Variants in AFG1L observed in about 807,000 individuals in gnomAD.
The protein encoded by AFG1L is AFG1-like ATPase.
In AFG1L, 53 loss-of-function variants were observed where a neutral mutation model predicts 62.2. The ratio of observed to expected loss-of-function variants is 0.85; its 90% CI spans 0.68 to 1.07. The LOEUF (loss-of-function observed/expected upper bound fraction) is 1.07, where lower values mean the gene tolerates loss of function less well. AFG1L is among the 50% of genes least tolerant of loss of function. The pLI, the probability that AFG1L is intolerant of heterozygous loss-of-function variation, is 0.00. For missense variants in AFG1L, 555 were observed against 590.5 expected (o/e 0.94, Z 0.62); for synonymous variants, 228 against 210.3 (o/e 1.08, Z -0.73).
intron 10 of AFG1L, among the ~76,000 whole-genome samples, chr6:108,489,637 C>G (rs915203476): frequency 6.6e-6 from 1 of 152,002 alleles, no homozygotes; most frequent in Non-Finnish European, 1.5e-5. Flanking sequence ...AGAGATTGCA[C>G]GAAACAAGAT....
intron 1 of AFG1L, among the ~76,000 whole-genome samples, chr6:108,313,411 A>C (rs559583631): frequency 6.6e-6 from 1 of 152,370 alleles, no homozygotes; most frequent in Non-Finnish European, 1.5e-5. Flanking sequence ...TTAGAAAAGT[A>C]ACCTGGTACT....
rs1779884289 is a variant in AFG1L, at chr6:108,369,172, G to A, written c.748+2840G>A. Among the ~76,000 whole-genome samples the A allele has an allele frequency of 2.0e-5, 3 of 152,118 alleles. No individual in the cohort carries two copies. In the South Asian group the frequency reaches 6.2e-4, roughly 32 times the overall value. ...TCAGAGAGACTAAGCATATCAGGAAGAGGTAAAACTGTAAGACGAAGAATG... is the reference window on the plus strand; with the variant it reads ...TCAGAGAGACTAAGCATATCAGGAAAAGGTAAAACTGTAAGACGAAGAATG... On this transcript the variant is annotated intron_variant, in intron 6 of 12. Coordinates refer to ENST00000368977, the MANE Select transcript of AFG1L (RefSeq NM_145315.5).
chr6:108,390,409 G>A (rs1383571601), intron 6 of AFG1L, among the ~76,000 whole-genome samples: 7 of 152,304 alleles, frequency 4.6e-5, no homozygotes, highest in Middle Eastern at 3.4e-3. Context: ...CGTTGCTAGC[G>A]AGGAGCTGCG....
At chr6:108,338,555 G>A (rs1013960466) in intron 2 of AFG1L, among the ~76,000 whole-genome samples, 1 of 151,890 alleles carries the variant, frequency 6.6e-6, no homozygotes, top group Admixed American at 6.6e-5. Flanking sequence ...GGTTGGTCTT[G>A]AACTCCTGGG....
intron 10 of AFG1L, among the ~76,000 whole-genome samples, chr6:108,497,251 T>C (rs1774005400): frequency 6.6e-6 from 1 of 152,192 alleles, no homozygotes; most frequent in African/African-American, 2.4e-5. Context: ...AATTGCATAA[T>C]TTATTTTTCT....
chr6:108,454,270 T>C (rs1405643783), intron 8 of AFG1L, among the ~76,000 whole-genome samples: 1 of 152,214 alleles, frequency 6.6e-6, no homozygotes, highest in Non-Finnish European at 1.5e-5. Context: ...AGTTTAAGAC[T>C]ATAAAATTTA....
In AFG1L at chr6:108,427,849, C is replaced by T. The variant is rs190975991; in HGVS notation, c.808-19365C>T. ...AAATGGAATTTCTAGGTCAAAGGCT[C>T]TTGTAATTAAAACTTTGCTGGATTT... On this transcript the variant is annotated intron_variant, in intron 7 of 12. Coordinates refer to ENST00000368977, the MANE Select transcript of AFG1L (RefSeq NM_145315.5). 3.9e-5 allele frequency among the ~76,000 whole-genome samples: 6 copies of T among 152,152 alleles called. No homozygotes were observed. In the East Asian group the frequency reaches 9.7e-4, roughly 24 times the overall value.
chr6:108,377,317 A>G (rs1449773413), intron 6 of AFG1L, among the ~76,000 whole-genome samples: 1 of 151,684 alleles, frequency 6.6e-6, no homozygotes, highest in East Asian at 1.9e-4. Context: ...TGTAGTTTCT[A>G]TTGTTTTTTT....
At chr6:108,448,078 C>T (rs1194866957) in intron 8 of AFG1L, among the ~76,000 whole-genome samples, 5 of 152,078 alleles carry the variant, frequency 3.3e-5, no homozygotes, top group African/African-American at 9.7e-5. Flanking sequence ...TTGTCTCTGC[C>T]ACCTTGTAAG....
intron 1 of AFG1L, among the ~76,000 whole-genome samples, chr6:108,301,206 T>A (rs1343354770): frequency 3.3e-5 from 5 of 152,150 alleles, no homozygotes; most frequent in Non-Finnish European, 7.3e-5. Flanking sequence ...TTACTGCAAG[T>A]TGTTTTATCA....
At chr6:108,463,286 CAAAAAAAAAAA>C (rs56937746) in intron 8 of AFG1L, among the ~76,000 whole-genome samples, 3 of 40,528 alleles carry the variant, frequency 7.4e-5, no homozygotes, top group African/African-American at 1.4e-4. Flanking sequence ...GAGACTCTGT[CAAAAAAAAAAA>C]AAAAAAAAAA....
chr6:108,425,207 T>C (rs1240005841), intron 7 of AFG1L, among the ~76,000 whole-genome samples: 1 of 152,154 alleles, frequency 6.6e-6, no homozygotes, highest in African/African-American at 2.4e-5. Context: ...TCCTGGAATG[T>C]CACTGTGTGT....
At chr6:108,463,809 A>G (rs1156449722) in intron 8 of AFG1L, among the ~76,000 whole-genome samples, 1 of 152,206 alleles carries the variant, frequency 6.6e-6, no homozygotes, top group Non-Finnish European at 1.5e-5. Context: ...TGATTTCGTT[A>G]TGTAAAACAA....
intron 7 of AFG1L, among the ~76,000 whole-genome samples, chr6:108,440,823 A>AAAAAAAAAAAAG (rs927102990): frequency 6.6e-6 from 1 of 152,132 alleles, no homozygotes; most frequent in Admixed American, 6.5e-5. Flanking sequence ...TCCATCTCAA[A>AAAAAAAAAAAAG]AAAAGAAAAA....
intron 11 of AFG1L, among the ~76,000 whole-genome samples, chr6:108,517,030 A>G (rs1484506442): frequency 6.6e-6 from 1 of 152,226 alleles, no homozygotes; most frequent in Non-Finnish European, 1.5e-5. Context: ...AGAACATTCC[A>G]TGCTCATGGG....
intron 6 of AFG1L, chr6:108,372,927 T>G (rs532284914): frequency 6.5e-6 from 1 of 152,876 alleles, no homozygotes; most frequent in South Asian, 2.1e-4. Flanking sequence ...ATCCAGAACA[T>G]CATGGTCTGA....
At position 108,295,121 on chromosome 6, in the gene AFG1L, A is replaced by G; in HGVS notation, c.42A>G (p.Leu14=). ...SWSLLVTLRP[L]AQSPLRGRCV... ...CGCTCTTGGTTACCCTGCGCCCCTT[A>G]GCACAGAGCCCGCTGAGAGGGAGAT... Residue 14 remains leucine (L), a synonymous_variant, in exon 1 of 13, where the codon TTA becomes TTG. Transcript: ENST00000368977. The G allele has an allele frequency of 6.2e-7, 1 of 1,611,446 alleles. No individual in the cohort carries two copies. The highest frequency in any genetic ancestry group is 8.5e-7 in the Non-Finnish European group (1 of 1,179,962).
chr6:108,301,677 A>G (rs1011478545), intron 1 of AFG1L, among the ~76,000 whole-genome samples: 1 of 152,240 alleles, frequency 6.6e-6, no homozygotes, highest in Admixed American at 6.5e-5. Context: ...AATATATTCC[A>G]CAACAGTAAG....
chr6:108,463,778 G>A (rs1287142522), intron 8 of AFG1L, among the ~76,000 whole-genome samples: 1 of 152,146 alleles, frequency 6.6e-6, no homozygotes, highest in East Asian at 1.9e-4. Flanking sequence ...TAAATACTCA[G>A]ACAAAATCCA....
Sources: allele counts gnomAD v4.1 joint callset (sites outside exome capture counted in the v4.1 genomes callset), GRCh38; gene constraint gnomAD v4.1.1; transcripts MANE v1.5; gene names NCBI Gene and HGNC (gene_info 2026-07-23, HGNC 2026-07-21).